SLC37A3: variants seen among roughly 807,000 people sequenced by gnomAD.
The protein encoded by SLC37A3 is solute carrier family 37 member 3.
In SLC37A3, 51 loss-of-function variants were observed where a neutral mutation model predicts 67.1. That is an observed-to-expected ratio of 0.76 (90% CI 0.61 to 0.96). SLC37A3 has a LOEUF of 0.96. Ranked by LOEUF, SLC37A3 falls within the 40% of genes least tolerant of loss-of-function variation. SLC37A3 has a pLI of 0.00. For synonymous variants in SLC37A3, 214 were observed against 231.4 expected, an observed-to-expected ratio of 0.92 and a Z score of 0.68; for missense variants, 508 against 603.0, an observed-to-expected ratio of 0.84 and a Z score of 1.65.
intron 1 of SLC37A3, among the ~76,000 whole-genome samples, chr7:140,386,367 G>C (rs1485026910): frequency 6.6e-6 from 1 of 151,724 alleles, no homozygotes; most frequent in Non-Finnish European, 1.5e-5. Flanking sequence ...ACCTCGCCCA[G>C]GAAAATAGTT....
intron 1 of SLC37A3, among the ~76,000 whole-genome samples, chr7:140,388,871 A>C (rs1247940253): frequency 6.8e-6 from 1 of 147,982 alleles, no homozygotes; most frequent in Non-Finnish European, 1.5e-5. Flanking sequence ...GTTCACAATC[A>C]CTAACTTGTG....
chr7:140,368,217 G>A (rs116890949), intron 4 of SLC37A3, among the ~76,000 whole-genome samples: 5,440 of 152,124 alleles, frequency 0.036, 135 homozygotes, highest in South Asian at 0.074. Flanking sequence ...CCCCGCCCTC[G>A]CCTGTTCTCT....
chr7:140,368,030 T>A (rs1011279759), intron 4 of SLC37A3, among the ~76,000 whole-genome samples: 11 of 151,840 alleles, frequency 7.2e-5, no homozygotes, highest in African/African-American at 2.7e-4. Context: ...GCCAGGATGG[T>A]CTCAAACTCC....
In SLC37A3 at chr7:140,351,275, G is replaced by A. The variant is rs745426077; in HGVS notation, c.880C>T (p.Pro294Ser). The change falls in exon 9 of 15, where the codon CCG becomes TCG. Residue 294 changes from proline to serine, a missense_variant and splice_region_variant. Pro to Ser is a moderately conservative substitution (Grantham distance 74). Transcript: ENST00000326232. ...GGTAAGATGTAAGCGGTCCTTACCG[G>A]TATGACTCCAGGAAGGCAACATGCC... ...YQACCLPGVI[P>S]YSLAYACLKL... 23 of 1,613,734 alleles carry A rather than the reference G, an allele frequency of 1.4e-5. No homozygotes were observed. Among genetic ancestry groups the A allele is most frequent in the Non-Finnish European group, 1.9e-5 (22 of 1,179,842 alleles).
At chr7:140,350,466 C>A (rs1585271822) in intron 9 of SLC37A3, among the ~76,000 whole-genome samples, 1 of 152,132 alleles carries the variant, frequency 6.6e-6, no homozygotes, top group Non-Finnish European at 1.5e-5. Flanking sequence ...CTCTTCTGGA[C>A]CCTTTAAAAG....
At chr7:140,362,878 A>G in intron 5 of SLC37A3, among the ~76,000 whole-genome samples, 1 of 55,930 alleles carries the variant, frequency 1.8e-5, no homozygotes, top group Admixed American at 1.5e-4. Flanking sequence ...CTGCCCGGCC[A>G]GCCGCCCCGT....
chr7:140,392,829 C>T (rs1319869607), intron 1 of SLC37A3, among the ~76,000 whole-genome samples: 1 of 152,130 alleles, frequency 6.6e-6, no homozygotes, highest in Non-Finnish European at 1.5e-5. Context: ...CAGTGGCTCA[C>T]ACCTGTAATC....
chr7:140,397,025 C>T (rs1237604936), intron 1 of SLC37A3, among the ~76,000 whole-genome samples: 8 of 150,356 alleles, frequency 5.3e-5, no homozygotes, highest in African/African-American at 1.9e-4. Context: ...TATGGTGAAA[C>T]CCCGTCCCTA....
At chr7:140,371,883 G>A (rs376392410) in intron 3 of SLC37A3, among the ~76,000 whole-genome samples, 1 of 151,298 alleles carries the variant, frequency 6.6e-6, no homozygotes, top group Non-Finnish European at 1.5e-5. Context: ...ACGGAGTCTC[G>A]CTCTGTTACC....
intron 5 of SLC37A3, among the ~76,000 whole-genome samples, chr7:140,362,560 C>A (rs2117152891): frequency 1.6e-5 from 2 of 126,606 alleles, no homozygotes; most frequent in Non-Finnish European, 3.5e-5. Flanking sequence ...GGGGGTCAGC[C>A]CCCCGCCCGG....
Position 140,345,251 on chromosome 7 carries a change from T to A in SLC37A3, c.1139A>T (p.Asp380Val). Residue 380 changes from aspartate to valine, a missense_variant, in exon 12 of 15, where the codon GAT (aspartate) becomes GTT (valine). By Grantham distance (152) the Asp-to-Val change is radical. Transcript: ENST00000326232. ...SLIGYSRSPN[D>V]KSINALLMTV... Reference sequence around the variant, plus strand: ...CATCAGAAGGGCATTGATGGACTTATCATTTGGAGAACCTGTGAGGGAAGA... The same window carrying A: ...CATCAGAAGGGCATTGATGGACTTAACATTTGGAGAACCTGTGAGGGAAGA... 6.2e-7 allele frequency: 1 copy of A among 1,614,090 alleles called. No homozygotes were observed. The highest frequency in any genetic ancestry group is 1.3e-5 in the African/African-American group (1 of 75,024).
chr7:140,348,455 T>C (rs572098542), intron 10 of SLC37A3, 171 bp downstream of exon 10: 597 of 670,328 alleles, frequency 8.9e-4, no homozygotes, highest in Non-Finnish European at 1.1e-3. Flanking sequence ...TTCTTTTCTT[T>C]TCTTTTCTTT....
rs1297833753 is a variant in SLC37A3 at position 140,343,514 on chromosome 7, C to T, written c.1224G>A (p.Ala408=). The change falls in exon 13 of 15, where the codon GCG becomes GCA. Residue 408 remains alanine, a synonymous_variant. Transcript: ENST00000326232. ...PSNMISSAIS[A]DLGRQELIQR... ...GGATGAGCTCCTGGCGACCCAAGTCCGCAGAAATAGCAGAACTAATCATAT... is the reference window on the plus strand; with the variant it reads ...GGATGAGCTCCTGGCGACCCAAGTCTGCAGAAATAGCAGAACTAATCATAT... The T allele has an allele frequency of 8.1e-6, 13 of 1,614,072 alleles. No homozygotes were observed. Among genetic ancestry groups the T allele is most frequent in the African/African-American group, 1.3e-5 (1 of 75,016 alleles).
chr7:140,336,910 C>A lies in SLC37A3; in HGVS notation c.1392+374G>T, dbSNP rs1796155077. ...GGTCAGAAGTTCAAGACCAGCCTGG[C>A]CAATATGGTGAAACCCCATCTCTAC... On this transcript the variant is annotated intron_variant, in intron 14 of 14. Coordinates refer to ENST00000326232, the MANE Select transcript of SLC37A3 (RefSeq NM_207113.3). 2.7e-5 allele frequency among the ~76,000 whole-genome samples: 4 copies of A among 149,286 alleles called. 1 individual carries two copies. The South Asian group carries it at 8.4e-4, about 31-fold the overall frequency.
chr7:140,390,686 C>T (rs1396825506), intron 1 of SLC37A3, among the ~76,000 whole-genome samples: 5 of 152,134 alleles, frequency 3.3e-5, no homozygotes, highest in African/African-American at 1.2e-4. Flanking sequence ...TTTTCAGTTC[C>T]GGTTCTCTTC....
chr7:140,374,682 AAAAAT>A, intron 3 of SLC37A3, among the ~76,000 whole-genome samples: 1 of 152,124 alleles, frequency 6.6e-6, no homozygotes, highest in African/African-American at 2.4e-5. Flanking sequence ...CCATCTCTAC[AAAAAT>A]AAAAATAAAT....
In SLC37A3 at chr7:140,364,492, C is replaced by A. The variant is rs1398269106; in HGVS notation, c.292-1G>T. 1 of 1,613,136 alleles carries A rather than the reference C, an allele frequency of 6.2e-7. No individual in the cohort carries two copies. The highest frequency in any genetic ancestry group is 8.5e-7 in the Non-Finnish European group (1 of 1,179,686). ...CAACGATGCCACTGATGAATAGGCC[C>A]TAAAAATAAAGCATTTTCTTTTACA... On this transcript the variant is annotated splice_acceptor_variant, in intron 4 of 14. Transcript: ENST00000326232. LOFTEE classifies it high-confidence loss of function.
chr7:140,348,129 T>C (rs747370537), intron 10 of SLC37A3, among the ~76,000 whole-genome samples: 12 of 152,200 alleles, frequency 7.9e-5, no homozygotes, highest in Non-Finnish European at 1.5e-4. Context: ...TAAGAGTAAC[T>C]GAAACTTCGA....
intron 3 of SLC37A3, among the ~76,000 whole-genome samples, chr7:140,372,965 C>G (rs1797882362): frequency 6.6e-6 from 1 of 151,626 alleles, no homozygotes; most frequent in Admixed American, 6.6e-5. Context: ...TTTTCTTTTT[C>G]TTTTGAGACA....
Sources: gnomAD v4.1 joint callset for allele counts (sites outside exome capture counted in the v4.1 genomes callset) on GRCh38, gnomAD v4.1.1 for gene constraint, MANE v1.5 for transcripts, NCBI Gene and HGNC (gene_info 2026-07-23, HGNC 2026-07-21) for gene names.